Variants in AGAP1 observed in about 807,000 individuals in gnomAD.
AGAP1 encodes the protein arf-GAP with GTPase, ANK repeat and PH domain-containing protein 1.
Under a neutral mutation model 105.3 loss-of-function variants are expected in AGAP1, and 29 were observed. The observed-to-expected ratio is 0.28, with a 90% CI of 0.21 to 0.38. The LOEUF (loss-of-function observed/expected upper bound fraction) is 0.38, where lower values mean the gene tolerates loss of function less well. AGAP1 is among the 10% of genes least tolerant of loss of function. AGAP1 has a pLI of 1.00. For missense variants in AGAP1, 998 were observed against 1,165.1 expected (o/e 0.86, Z 2.09); for synonymous variants, 509 against 485.9 (o/e 1.05, Z -0.63).
intron 11 of AGAP1, among the ~76,000 whole-genome samples, chr2:235,917,753 T>C (rs1268269637): frequency 2.0e-5 from 3 of 152,174 alleles, no homozygotes; most frequent in Non-Finnish European, 4.4e-5. Flanking sequence ...ATGGGCTCAG[T>C]CATTTTTCCT....
intron 6 of AGAP1, among the ~76,000 whole-genome samples, chr2:235,757,411 T>C (rs1191596082): frequency 6.6e-6 from 1 of 151,860 alleles, no homozygotes; most frequent in Non-Finnish European, 1.5e-5. Flanking sequence ...GGTGCTAGTG[T>C]GGCCACAGCC....
At chr2:235,876,507 G>A (rs1051499096) in intron 9 of AGAP1, among the ~76,000 whole-genome samples, 1 of 152,164 alleles carries the variant, frequency 6.6e-6, no homozygotes, top group African/African-American at 2.4e-5. Context: ...CTCCTTGAAC[G>A]TGGAACCTCA....
intron 1 of AGAP1, among the ~76,000 whole-genome samples, chr2:235,513,112 T>A (rs1412870623): frequency 6.6e-6 from 1 of 152,202 alleles, no homozygotes; most frequent in East Asian, 1.9e-4. Flanking sequence ...CAGATGTGGC[T>A]TCTCTAGCTT....
At chr2:235,629,414 G>T (rs976258534) in intron 1 of AGAP1, among the ~76,000 whole-genome samples, 21 of 151,938 alleles carry the variant, frequency 1.4e-4, no homozygotes, top group African/African-American at 5.1e-4. Flanking sequence ...GGGGAGCAAG[G>T]AGGAAAGTGG....
chr2:236,116,324 T>A (rs573861554), intron 16 of AGAP1, among the ~76,000 whole-genome samples: 2 of 151,254 alleles, frequency 1.3e-5, no homozygotes, highest in Non-Finnish European at 2.9e-5. Flanking sequence ...CCATAAGTTA[T>A]TGGGGTACAG....
chr2:235,859,597 A>G (rs1039849631), intron 9 of AGAP1, among the ~76,000 whole-genome samples: 1 of 148,814 alleles, frequency 6.7e-6, no homozygotes, highest in East Asian at 2.0e-4. Flanking sequence ...TCCATAGCTG[A>G]CTATACCTTA....
intron 6 of AGAP1, among the ~76,000 whole-genome samples, chr2:235,795,569 T>A (rs1957207498): frequency 6.6e-6 from 1 of 152,178 alleles, no homozygotes; most frequent in South Asian, 2.1e-4. Context: ...AGTCCGTATA[T>A]TTTAGAACAA....
At chr2:235,807,831 A>T (rs1957919340) in intron 9 of AGAP1, among the ~76,000 whole-genome samples, 1 of 152,196 alleles carries the variant, frequency 6.6e-6, no homozygotes, top group South Asian at 2.1e-4. Context: ...GTAATTTGCT[A>T]ATGAAGGAAT....
chr2:235,509,118 G>C (rs1196531103), intron 1 of AGAP1, among the ~76,000 whole-genome samples: 1 of 152,218 alleles, frequency 6.6e-6, no homozygotes, highest in East Asian at 1.9e-4. Context: ...TGATGTGAAC[G>C]ATTACTTATA....
At chr2:236,108,863 G>A (rs3754649) in intron 16 of AGAP1, among the ~76,000 whole-genome samples, 2 of 152,160 alleles carry the variant, frequency 1.3e-5, no homozygotes, top group African/African-American at 2.4e-5. Flanking sequence ...TCTGTGTCCC[G>A]TTCATCTCCC....
chr2:236,113,128 A>G lies in AGAP1; in HGVS notation c.2115-7064A>G, dbSNP rs769946827. Among the ~76,000 whole-genome samples, 17 of 152,200 alleles carry G rather than the reference A, an allele frequency of 1.1e-4. No individual in the cohort carries two copies. The highest frequency in any genetic ancestry group is 1.9e-4 in the Non-Finnish European group (13 of 67,992). On this transcript the variant is annotated intron_variant, in intron 16 of 17. Transcript: ENST00000304032. This position sits in a 1 kb window ranked among gnomAD's most constrained non-coding sequence, Gnocchi z 4.3. ...CCGTCACGTGTGCATCTTGTTCCAC[A>G]TTAGATATGGAGTTTGTTTTGTTTG...
chr2:236,108,990 A>AC, intron 16 of AGAP1, among the ~76,000 whole-genome samples: 1 of 152,024 alleles, frequency 6.6e-6, no homozygotes. Context: ...CAATGTGCTG[A>AC]CCCTTCCCTG....
chr2:236,046,360 G>A lies in AGAP1; in HGVS notation c.1892-2699G>A, dbSNP rs148975123. 6.0e-3 allele frequency among the ~76,000 whole-genome samples: 918 copies of A among 152,268 alleles called. 8 individuals carry two copies. Among genetic ancestry groups the A allele is most frequent in the African/African-American group, 0.021 (872 of 41,540 alleles). On this transcript the variant is annotated intron_variant, in intron 15 of 17. Coordinates refer to ENST00000304032, the MANE Select transcript of AGAP1 (RefSeq NM_001037131.3). This position sits in a 1 kb window ranked among gnomAD's most constrained non-coding sequence, Gnocchi z 5.2. The stretch of plus-strand genomic sequence containing the variant: ...GTGAAGAGGTCTGCAGGGAAGTGAC[G>A]GGCAAGGCCGCAGACAGGAGCCCCT...
At chr2:235,669,216 C>T (rs1324636193) in intron 1 of AGAP1, among the ~76,000 whole-genome samples, 1 of 152,162 alleles carries the variant, frequency 6.6e-6, no homozygotes, top group African/African-American at 2.4e-5. Flanking sequence ...TTCTTGTCTT[C>T]CTGGAAGCCC....
chr2:235,700,676 T>C lies in AGAP1; in HGVS notation c.164-8503T>C, dbSNP rs980808333. ...TTAGCCAGGCATGGTAGCGCGTGCC[T>C]GTAGTCCCAGCTACTCAAGAGACTG... On this transcript the variant is annotated intron_variant, in intron 1 of 17. Coordinates refer to ENST00000304032, the MANE Select transcript of AGAP1 (RefSeq NM_001037131.3). The surrounding 1 kb of genome is among the most constrained non-coding windows in gnomAD (Gnocchi z 6.1). Among the ~76,000 whole-genome samples the C allele has an allele frequency of 6.6e-6, 1 of 151,996 alleles. No individual in the cohort carries two copies. Among genetic ancestry groups the C allele is most frequent in the Non-Finnish European group, 1.5e-5 (1 of 68,016 alleles).
intron 1 of AGAP1, among the ~76,000 whole-genome samples, chr2:235,500,447 C>T (rs1042128987): frequency 2.6e-5 from 4 of 152,192 alleles, no homozygotes; most frequent in African/African-American, 9.7e-5. Flanking sequence ...GTCCAGGGAC[C>T]GCACTTCTGG....
chr2:235,765,958 G>A (rs184284895), intron 6 of AGAP1, among the ~76,000 whole-genome samples: 3 of 152,156 alleles, frequency 2.0e-5, no homozygotes, highest in African/African-American at 2.4e-5. Flanking sequence ...CACCTAGCTC[G>A]ACCCTTCCCT....
rs144101585 is a variant in AGAP1 at position 235,875,288 on chromosome 2, G to A, written c.1051-8057G>A. ...GACTAACAACAATTGTAATAAAATC[G>A]ATGGTATTTTAAATTGTTGGGATGA... On this transcript the variant is annotated intron_variant, in intron 9 of 17. Transcript: ENST00000304032. This position sits in a 1 kb window ranked among gnomAD's most constrained non-coding sequence, Gnocchi z 4.0. Among the ~76,000 whole-genome samples the A allele has an allele frequency of 5.6e-4, 86 of 152,292 alleles. No individual in the cohort carries two copies. Among genetic ancestry groups the A allele is most frequent in the African/African-American group, 2.0e-3 (82 of 41,558 alleles).
In AGAP1 at chr2:236,101,752, G is replaced by A. The variant is rs572478066; in HGVS notation, c.2115-18440G>A. Among the ~76,000 whole-genome samples the A allele has an allele frequency of 2.2e-4, 33 of 152,348 alleles. No homozygotes were observed. The South Asian group carries it at 5.6e-3, about 26-fold the overall frequency. On this transcript the variant is annotated intron_variant, in intron 16 of 17. Transcript: ENST00000304032. This position sits in a 1 kb window ranked among gnomAD's most constrained non-coding sequence, Gnocchi z 4.9. ...TGGCGGCTGCACCAGCAGAGCCGCC[G>A]TGGGCTTCATGCCACGTTACGCGGA...
Sources: gnomAD v4.1 joint callset for allele counts (sites outside exome capture counted in the v4.1 genomes callset) on GRCh38, gnomAD v4.1.1 for gene constraint, Gnocchi (gnomAD v3.1) non-coding constraint, MANE v1.5 for transcripts, NCBI Gene and HGNC (gene_info 2026-07-23, HGNC 2026-07-21) for gene names.